Variants in COL23A1 observed in about 807,000 individuals in gnomAD.
COL23A1 encodes the protein collagen type XXIII alpha 1 chain, also known as collagen alpha-1(XXIII) chain.
Under a neutral mutation model 99.3 loss-of-function variants are expected in COL23A1, and 97 were observed. The ratio of observed to expected loss-of-function variants is 0.98; its 90% CI spans 0.83 to 1.16. The LOEUF is 1.16. Ranked by LOEUF, COL23A1 falls within the 50% of genes most tolerant of loss-of-function variation. The pLI, the probability that COL23A1 is intolerant of heterozygous loss-of-function variation, is 0.00. For synonymous variants in COL23A1, 320 were observed against 308.2 expected (o/e 1.04, Z -0.40); for missense variants, 762 against 757.4 (o/e 1.01, Z -0.07).
Position 178,384,049 on chromosome 5 carries a change from C to T in COL23A1, c.362-77130G>A, listed in dbSNP as rs1763530746. ...GACTCCACCAGGCGGCCTGTGCAAG[C>T]CTGGGCTGCATCTCCTGCCACGGCC... is the stretch of plus-strand genomic sequence containing the variant. On this transcript the variant is annotated intron_variant, in intron 2 of 28. Transcript: ENST00000390654. The surrounding 1 kb of genome is among the most constrained non-coding windows in gnomAD (Gnocchi z 5.5). Among the ~76,000 whole-genome samples the T allele has an allele frequency of 1.3e-5, 2 of 152,186 alleles. No homozygotes were observed. The highest frequency in any genetic ancestry group is 2.9e-5 in the Non-Finnish European group (2 of 68,032).
chr5:178,295,871 G>A (rs1290821193), intron 3 of COL23A1, among the ~76,000 whole-genome samples: 1 of 152,236 alleles, frequency 6.6e-6, no homozygotes, highest in Non-Finnish European at 1.5e-5. Context: ...ATGGCATGTA[G>A]TAAAAATGAT....
Position 178,280,582 on chromosome 5 carries a change from G to C in COL23A1, c.441+7742C>G, listed in dbSNP as rs1479626780. Reference sequence around the variant, plus strand: ...TTAGTCTATTTGCTTCGAAGACCTGGGCTTGGCTCGGTGACTTTGTGCAGG... The same window carrying C: ...TTAGTCTATTTGCTTCGAAGACCTGCGCTTGGCTCGGTGACTTTGTGCAGG... On this transcript the variant is annotated intron_variant, in intron 5 of 28. Transcript: ENST00000390654. The surrounding 1 kb of genome is among the most constrained non-coding windows in gnomAD (Gnocchi z 4.9). Among the ~76,000 whole-genome samples, 1 of 152,134 alleles carries C rather than the reference G, an allele frequency of 6.6e-6. No individual in the cohort carries two copies. The highest frequency in any genetic ancestry group is 1.9e-4 in the East Asian group (1 of 5,200).
chr5:178,367,941 G>T (rs1395543214), intron 2 of COL23A1, among the ~76,000 whole-genome samples: 1 of 152,188 alleles, frequency 6.6e-6, no homozygotes, highest in African/African-American at 2.4e-5. Flanking sequence ...GGGCCAGGTG[G>T]CAGGACCTGG....
In COL23A1 at chr5:178,468,164, T is replaced by A. The variant is rs2127923183; in HGVS notation, c.361+92518A>T. ...AGAGAGCGCCGGCTTTGGGGTGTGC[T>A]TGTGTGTTCACGGAGGATGAACACA... is the stretch of plus-strand genomic sequence containing the variant. On this transcript the variant is annotated intron_variant, in intron 2 of 28. Coordinates refer to ENST00000390654, the MANE Select transcript of COL23A1 (RefSeq NM_173465.4). The surrounding 1 kb of genome is among the most constrained non-coding windows in gnomAD (Gnocchi z 4.2). Among the ~76,000 whole-genome samples the A allele has an allele frequency of 6.6e-6, 1 of 152,330 alleles. No homozygotes were observed. Among genetic ancestry groups the A allele is most frequent in the Non-Finnish European group, 1.5e-5 (1 of 68,032 alleles).
intron 2 of COL23A1, among the ~76,000 whole-genome samples, chr5:178,337,057 T>C (rs1581175746): frequency 6.6e-6 from 1 of 152,340 alleles, no homozygotes; most frequent in Middle Eastern, 3.4e-3. Flanking sequence ...AGTCTGTCCC[T>C]GCCCCCTATT....
rs557307811 is a variant in COL23A1 at position 178,427,570 on chromosome 5, TG to T, written c.362-120652del. Among the ~76,000 whole-genome samples, 163 of 152,286 alleles carry T rather than the reference TG, an allele frequency of 1.1e-3. 1 individual carries two copies. The highest frequency in any genetic ancestry group is 3.8e-3 in the African/African-American group (158 of 41,552). ...GGTAAGTTGTGGTACAGCCACAGTTTGGGATATTATTTAGCTACATAATATT... is the reference window on the plus strand; with the variant it reads ...GGTAAGTTGTGGTACAGCCACAGTTTGGATATTATTTAGCTACATAATATT... On this transcript the variant is annotated intron_variant, in intron 2 of 28. Coordinates refer to ENST00000390654, the MANE Select transcript of COL23A1 (RefSeq NM_173465.4).
chr5:178,278,215 C>T (rs1298032793), intron 5 of COL23A1, among the ~76,000 whole-genome samples: 7 of 152,222 alleles, frequency 4.6e-5, no homozygotes, highest in Non-Finnish European at 7.3e-5. Context: ...CACTCTGCCT[C>T]GCCCTGTGGC....
chr5:178,424,232 G>A (rs183323929), intron 2 of COL23A1, among the ~76,000 whole-genome samples: 1 of 152,314 alleles, frequency 6.6e-6, no homozygotes, highest in East Asian at 1.9e-4. Flanking sequence ...CCCTGCATTA[G>A]GTGCCAAAGC....
intron 2 of COL23A1, among the ~76,000 whole-genome samples, chr5:178,338,613 C>T (rs1760483497): frequency 6.6e-6 from 1 of 151,764 alleles, no homozygotes; most frequent in Admixed American, 6.6e-5. Flanking sequence ...GGGGTAGCTC[C>T]TGGGTCACCC....
intron 2 of COL23A1, among the ~76,000 whole-genome samples, chr5:178,543,348 T>C (rs998762287): frequency 1.3e-5 from 2 of 152,024 alleles, no homozygotes; most frequent in East Asian, 1.9e-4. Context: ...CTCAGGTGAT[T>C]CTCCCACCTT....
intron 5 of COL23A1, among the ~76,000 whole-genome samples, chr5:178,275,911 G>A (rs898128592): frequency 1.3e-5 from 2 of 152,058 alleles, no homozygotes; most frequent in African/African-American, 4.8e-5. Flanking sequence ...GAACTCCTTG[G>A]GGGGATGGAT....
At chr5:178,312,027 G>A (rs1055226170) in intron 2 of COL23A1, among the ~76,000 whole-genome samples, 11 of 152,162 alleles carry the variant, frequency 7.2e-5, no homozygotes, top group East Asian at 3.9e-4. Flanking sequence ...TACCGCGCCC[G>A]GCCTGCGTAA....
At chr5:178,442,738 G>A (rs1766943502) in intron 2 of COL23A1, among the ~76,000 whole-genome samples, 1 of 152,246 alleles carries the variant, frequency 6.6e-6, no homozygotes, top group South Asian at 2.1e-4. Context: ...GCTGGAGGGA[G>A]CACAGGCGCC....
chr5:178,446,096 T>C (rs1265275301), intron 2 of COL23A1, among the ~76,000 whole-genome samples: 4 of 151,962 alleles, frequency 2.6e-5, no homozygotes, highest in African/African-American at 9.7e-5. Context: ...AATTTCCATA[T>C]ATATATATTT....
intron 2 of COL23A1, among the ~76,000 whole-genome samples, chr5:178,372,772 C>T (rs1197047171): frequency 6.6e-6 from 1 of 152,042 alleles, no homozygotes; most frequent in Non-Finnish European, 1.5e-5. Flanking sequence ...GACAGGGTTT[C>T]GCCATGTTGC....
At chr5:178,560,790 GAGTTTC>G (rs1562091243) in intron 1 of COL23A1, 42 bp from the exon 2 acceptor site, 1 of 1,567,438 alleles carries the variant, frequency 6.4e-7, no homozygotes, top group East Asian at 2.3e-5. Flanking sequence ...AGGAGAGAAT[GAGTTTC>G]AGAACAGAGA....
intron 2 of COL23A1, among the ~76,000 whole-genome samples, chr5:178,509,356 G>T (rs1167457042): frequency 2.6e-5 from 4 of 152,036 alleles, no homozygotes; most frequent in Admixed American, 1.3e-4. Flanking sequence ...TAGTAGCTGG[G>T]ACTACAAGCG....
At chr5:178,449,930 G>A (rs1024071287) in intron 2 of COL23A1, among the ~76,000 whole-genome samples, 9 of 152,174 alleles carry the variant, frequency 5.9e-5, no homozygotes, top group South Asian at 4.1e-4. Context: ...TATACCCGGC[G>A]CAGAAGAACA....
chr5:178,283,765 T>C (rs1315305359), intron 5 of COL23A1, among the ~76,000 whole-genome samples: 1 of 152,224 alleles, frequency 6.6e-6, no homozygotes, highest in African/African-American at 2.4e-5. Context: ...GATTAAGCCC[T>C]GCATGAGTGA....
Sources: allele counts gnomAD v4.1 joint callset (sites outside exome capture counted in the v4.1 genomes callset), GRCh38; gene constraint gnomAD v4.1.1; non-coding constraint Gnocchi (gnomAD v3.1); transcripts MANE v1.5; gene names NCBI Gene and HGNC (gene_info 2026-07-23, HGNC 2026-07-21).